SUN3: variants seen among roughly 807,000 people sequenced by gnomAD.
The protein encoded by SUN3 is Sad1 and UNC84 domain containing 3.
SUN3 carries 36 observed loss-of-function variants against 48.2 expected under a neutral mutation model. The observed-to-expected ratio is 0.75, with a 90% CI of 0.57 to 0.99. The LOEUF is 0.99. SUN3 is among the 50% of genes least tolerant of loss of function. The pLI, the probability that SUN3 is intolerant of heterozygous loss-of-function variation, is 0.00. For missense variants in SUN3, 419 were observed against 433.1 expected, an observed-to-expected ratio of 0.97 and a Z score of 0.29; for synonymous variants, 148 against 147.9, an observed-to-expected ratio of 1.00 and a Z score of 0.00.
intron 8 of SUN3, among the ~76,000 whole-genome samples, chr7:47,992,793 AT>A (rs1283820982): frequency 6.6e-6 from 1 of 152,182 alleles, no homozygotes; most frequent in African/African-American, 2.4e-5. Context: ...ATGGGGGAAT[AT>A]TTGTACTTCT....
chr7:48,005,583 T>C (rs1014329127), intron 6 of SUN3, among the ~76,000 whole-genome samples: 1 of 152,018 alleles, frequency 6.6e-6, no homozygotes, highest in African/African-American at 2.4e-5. Flanking sequence ...ATTAGGAACA[T>C]TATATATAAC....
At chr7:48,031,083 CTT>C (rs1404613275), upstream of SUN3, among the ~76,000 whole-genome samples, 1 of 152,192 alleles carries the variant, frequency 6.6e-6, no homozygotes, top group Admixed American at 6.5e-5. Flanking sequence ...TTGACAATGA[CTT>C]TTTAAATATG....
Position 48,005,859 on chromosome 7 carries a change from C to CCA in SUN3, c.577+109_577+110insTG, listed in dbSNP as rs371790768. On this transcript the variant is annotated intron_variant, in intron 6 of 9. Coordinates refer to ENST00000297325, the MANE Select transcript of SUN3 (RefSeq NM_001030019.2). ...TCTAAATTGATTAATTTCCCCCCCC[C>CCA]AAGTTACCAGATAAATATGTTTTCC... is the stretch of plus-strand genomic sequence containing the variant. 1.1e-5 allele frequency: 6 copies of CCA among 551,634 alleles called. No individual in the cohort carries two copies. The African/African-American group carries it at 1.2e-4, about 11-fold the overall frequency. The allele number at this position is 551,634 out of a possible 1,614,324, so 34.2% of individuals were successfully genotyped here. A position where few individuals can be genotyped will look rare whatever the true frequency, so the allele number is the denominator to read the frequency against.
At chr7:48,023,700 A>C (rs1164212931) in intron 2 of SUN3, among the ~76,000 whole-genome samples, 1 of 152,214 alleles carries the variant, frequency 6.6e-6, no homozygotes, top group Non-Finnish European at 1.5e-5. Flanking sequence ...TTTACTTTAG[A>C]ATCAAAACTG....
chr7:48,002,151 C>CTTTTTTTTTTT (rs71006541), intron 6 of SUN3, among the ~76,000 whole-genome samples: 3 of 64,154 alleles, frequency 4.7e-5, no homozygotes, highest in African/African-American at 3.0e-4. Flanking sequence ...TTGCATTTCT[C>CTTTTTTTTTTT]TTTTTTTTTT....
At chr7:47,992,060 C>T (rs952937994) in intron 8 of SUN3, among the ~76,000 whole-genome samples, 3 of 151,624 alleles carry the variant, frequency 2.0e-5, no homozygotes, top group Non-Finnish European at 2.9e-5. Context: ...ACCTCCTGTG[C>T]ACTGCAGGAG....
upstream of SUN3, chr7:48,029,174 C>T: frequency 2.0e-6 from 1 of 491,222 alleles, no homozygotes; most frequent in Non-Finnish European, 3.6e-6. Context: ...CCAGCCAGGG[C>T]ATGGACAGGC....
In SUN3 at chr7:48,005,992, G is replaced by A. The variant is rs991627517; in HGVS notation, c.554C>T (p.Ala185Val). ...KKLREDQVEM[A>V]DYALKSAGAS... ...ACCGGCCGACTTCAGGGCATAATCA[G>A]CCATCTCGACTTGGTCTTCTCTCAA... The change falls in exon 6 of 10, where the codon GCT (alanine) becomes GTT (valine). Residue 185 changes from alanine to valine, a missense_variant. Ala to Val is a moderately conservative substitution (Grantham distance 64). Transcript: ENST00000297325. 5.0e-6 allele frequency: 8 copies of A among 1,612,042 alleles called. No individual in the cohort carries two copies. The highest frequency in any genetic ancestry group is 5.1e-6 in the Non-Finnish European group (6 of 1,179,314).
At chr7:48,017,779 G>C (rs1055735544) in intron 2 of SUN3, among the ~76,000 whole-genome samples, 1 of 152,136 alleles carries the variant, frequency 6.6e-6, no homozygotes, top group Non-Finnish European at 1.5e-5. Context: ...AAAATACCAT[G>C]GTAATGTTTT....
chr7:48,028,790 G>T (rs1296595766), intron 1 of SUN3, 27 bp downstream of exon 1: 39 of 1,609,212 alleles, frequency 2.4e-5, no homozygotes, highest in Non-Finnish European at 3.1e-5. Flanking sequence ...ACAATTTCAG[G>T]CACACCGTTC....
At chr7:48,020,917 GA>G (rs1167300874) in intron 2 of SUN3, among the ~76,000 whole-genome samples, 4 of 151,838 alleles carry the variant, frequency 2.6e-5, no homozygotes, top group Admixed American at 6.6e-5. Context: ...CACAGAAATA[GA>G]AAAAAACAAC....
chr7:48,031,980 T>C (rs1222412325), upstream of SUN3, among the ~76,000 whole-genome samples: 1 of 152,176 alleles, frequency 6.6e-6, no homozygotes, highest in Admixed American at 6.5e-5. Flanking sequence ...TGGAGAACAT[T>C]ATGCTAAGTG....
upstream of SUN3, chr7:48,029,188 C>A: frequency 4.4e-6 from 2 of 457,550 alleles, no homozygotes; most frequent in Non-Finnish European, 7.9e-6. Flanking sequence ...GACAGGCAAC[C>A]ACCTCTCTGC....
At chr7:47,989,060 T>C (rs1202423741) in intron 8 of SUN3, 180 bp from the exon 9 acceptor site, 3 of 438,084 alleles carry the variant, frequency 6.8e-6, no homozygotes, top group Middle Eastern at 4.5e-4. Context: ...GGCCCAAGGC[T>C]GATCACGGGA....
upstream of SUN3, among the ~76,000 whole-genome samples, chr7:48,033,378 T>C (rs899847635): frequency 7.4e-5 from 11 of 148,262 alleles, no homozygotes; most frequent in Non-Finnish European, 1.3e-4. Flanking sequence ...CTGGGCAACA[T>C]AGCAAGACCA....
At chr7:48,035,747 C>A in the SUN3 span, 4 of 583,090 alleles carry the variant, frequency 6.9e-6, no homozygotes, top group African/African-American at 2.0e-5. The surrounding 1 kb of genome is among the most constrained non-coding windows in gnomAD (Gnocchi z 4.0). Context: ...AGGGGACCAC[C>A]TTGTCGCCGG....
At chr7:48,034,443 TA>T in the SUN3 span, among the ~76,000 whole-genome samples, 10,656 of 152,038 alleles carry the variant, frequency 0.07, 1,236 homozygotes, top group African/African-American at 0.24. Flanking sequence ...AGTCTTGATT[TA>T]AAAAAAAATT....
chr7:47,995,448 T>C (rs946804295), intron 7 of SUN3, among the ~76,000 whole-genome samples: 6 of 152,170 alleles, frequency 3.9e-5, no homozygotes, highest in African/African-American at 1.4e-4. Flanking sequence ...CAGCCTGGAA[T>C]AAGATCAGTG....
rs531524948 is a variant in SUN3 at position 48,010,829 on chromosome 7, G to C, written c.289-1754C>G. 4.8e-4 allele frequency among the ~76,000 whole-genome samples: 73 copies of C among 152,270 alleles called. No individual in the cohort carries two copies. In the South Asian group the frequency reaches 0.014, roughly 29 times the overall value. ...AACAATGGAAATTTATTCTGTCGCT[G>C]TTCTGGAGGTCAAAAGTGTAAGGTC... On this transcript the variant is annotated intron_variant, in intron 3 of 9. Transcript: ENST00000297325.
Sources: gnomAD v4.1 joint callset for allele counts (sites outside exome capture counted in the v4.1 genomes callset) on GRCh38, gnomAD v4.1.1 for gene constraint, Gnocchi (gnomAD v3.1) non-coding constraint, MANE v1.5 for transcripts, NCBI Gene and HGNC (gene_info 2026-07-23, HGNC 2026-07-21) for gene names.